SETD1A: variants seen among roughly 807,000 people sequenced by gnomAD.
SETD1A encodes histone-lysine N-methyltransferase SETD1A.
A neutral mutation model predicts 149.9 loss-of-function variants in SETD1A; 29 were observed. The observed-to-expected ratio is 0.19, with a 90% CI of 0.14 to 0.26. The LOEUF is 0.26. Among genes scored for constraint, SETD1A ranks in the 10% least tolerant of loss-of-function variants. The pLI, the probability that SETD1A is intolerant of heterozygous loss-of-function variation, is 1.00. For synonymous variants in SETD1A, 1,141 were observed against 968.5 expected, an observed-to-expected ratio of 1.18 and a Z score of -3.31; for missense variants, 2,109 against 2,353.1, an observed-to-expected ratio of 0.90 and a Z score of 2.15.
At chr16:30,977,222 G>A (rs1423000171) in intron 13 of SETD1A, among the ~76,000 whole-genome samples, 1 of 152,178 alleles carries the variant, frequency 6.6e-6, no homozygotes, top group East Asian at 1.9e-4. Flanking sequence ...GGGATTACAG[G>A]CGTGAGCCCC....
At chr16:30,963,584 A>T in intron 5 of SETD1A, 30 bp downstream of exon 5, 1 of 1,601,220 alleles carries the variant, frequency 6.2e-7, no homozygotes, top group Non-Finnish European at 8.5e-7. Context: ...CACAGCCCCT[A>T]GCCATGTGGG....
At chr16:30,968,477 CACAT>C (rs2056180887) in intron 10 of SETD1A, among the ~76,000 whole-genome samples, 2 of 151,316 alleles carry the variant, frequency 1.3e-5, no homozygotes, top group African/African-American at 2.4e-5. Context: ...TATACACACA[CACAT>C]ATATATATAC....
In SETD1A at chr16:30,983,697, C is replaced by T. The variant is rs372049203; in HGVS notation, c.4875C>T (p.Phe1625=). ...VQEGIGSSYL[F]RVDHDTIIDA... ...AGGGCATTGGCAGCAGCTACCTGTTCCGGGTGGACCACGACACCATCATCG... is the reference window on the plus strand; with the variant it reads ...AGGGCATTGGCAGCAGCTACCTGTTTCGGGTGGACCACGACACCATCATCG... Residue 1625 remains phenylalanine (F), a synonymous_variant, in exon 18 of 19, where the codon TTC becomes TTT. Transcript: ENST00000262519. The surrounding 1 kb of genome is among the most constrained non-coding windows in gnomAD (Gnocchi z 6.8). 3.1e-4 allele frequency: 495 copies of T among 1,614,048 alleles called. No homozygotes were observed. Among genetic ancestry groups the T allele is most frequent in the Non-Finnish European group, 4.0e-4 (469 of 1,179,978 alleles).
In SETD1A at chr16:30,959,174, C is replaced by T. The variant is rs373904015; in HGVS notation, c.234C>T (p.Val78=). The stretch of plus-strand genomic sequence containing the variant: ...AAAACAGAGACTTTTCCCTCCCAGT[C>T]CCTAAGTTTAAGGTAAGTGTCTGCT... ...RSKNRDFSLP[V]PKFKLDEFYI... is the part of the protein sequence containing the mutation. The change falls in exon 3 of 19, where the codon GTC becomes GTT. Residue 78 remains valine (V), a synonymous_variant. Coordinates refer to ENST00000262519, the MANE Select transcript of SETD1A (RefSeq NM_014712.3). The T allele has an allele frequency of 1.4e-5, 23 of 1,610,704 alleles. No individual in the cohort carries two copies. The highest frequency in any genetic ancestry group is 1.8e-5 in the Non-Finnish European group (21 of 1,177,034).
Position 30,966,233 on chromosome 16 carries a change from C to A in SETD1A, c.2352C>A (p.Thr784=), listed in dbSNP as rs763608967. Residue 784 remains threonine, a synonymous_variant, in exon 8 of 19, where the codon ACC becomes ACA. Transcript: ENST00000262519. ...REEAELAEGK[T]LPTAGTVGRV... is the part of the protein sequence containing the mutation. The stretch of plus-strand genomic sequence containing the variant: ...AAGCAGAGCTGGCAGAGGGCAAGAC[C>A]CTCCCGACAGCAGGCACCGTGGGCC... The A allele has an allele frequency of 1.2e-6, 2 of 1,613,714 alleles. No homozygotes were observed. The highest frequency in any genetic ancestry group is 4.5e-5 in the East Asian group (2 of 44,860).
intron 13 of SETD1A, among the ~76,000 whole-genome samples, chr16:30,973,058 CG>C (rs1432426675): frequency 6.6e-6 from 1 of 151,982 alleles, no homozygotes; most frequent in East Asian, 1.9e-4. Flanking sequence ...GGGGAAGCAG[CG>C]GGTTGGAAGA....
chr16:30,963,998 A>G (rs888179487), intron 5 of SETD1A, 96 bp from the exon 6 acceptor site: 6 of 1,046,244 alleles, frequency 5.7e-6, no homozygotes, highest in South Asian at 4.5e-5. Flanking sequence ...TCTCAAAAAA[A>G]AAAAAAGGGA....
Position 30,964,626 on chromosome 16 carries a change from C to A in SETD1A, c.884C>A (p.Ser295Tyr), listed in dbSNP as rs778232927. The A allele has an allele frequency of 1.2e-6, 2 of 1,613,192 alleles. No individual in the cohort carries two copies. Among genetic ancestry groups the A allele is most frequent in the Non-Finnish European group, 1.7e-6 (2 of 1,179,680 alleles). ...TTCTTCTCCAGCACCACTTCAACCTCCTTCAAGCCCCGGCGGTCAGAGAAC... is the reference window on the plus strand; with the variant it reads ...TTCTTCTCCAGCACCACTTCAACCTACTTCAAGCCCCGGCGGTCAGAGAAC... ...SAYSSSTTST[S>Y]FKPRRSENSY... The change falls in exon 7 of 19, where the codon TCC (serine) becomes TAC (tyrosine). Residue 295 changes from serine to tyrosine, a missense_variant. Ser to Tyr is a moderately radical substitution (Grantham distance 144). Around this residue, in one of 8 missense-constraint regions of SETD1A, gnomAD observed 410 missense variants for 394.8 expected, o/e 1.04. Transcript: ENST00000262519.
chr16:30,959,611 C>T (rs2143453286), intron 3 of SETD1A, among the ~76,000 whole-genome samples: 1 of 152,292 alleles, frequency 6.6e-6, no homozygotes. Flanking sequence ...CCTTCGAGGA[C>T]TCCTATTCTC....
rs1567354020 is a variant in SETD1A, at chr16:30,966,169, C to G, written c.2288C>G (p.Ser763Ter). 6.2e-7 allele frequency: 1 copy of G among 1,610,032 alleles called. No individual in the cohort carries two copies. Among genetic ancestry groups the G allele is most frequent in the Non-Finnish European group, 8.5e-7 (1 of 1,177,954 alleles). The change falls in exon 8 of 19, where the codon TCA becomes TGA. Residue 763 changes from serine (S) to a stop codon, truncating the protein, a stop_gained. Coordinates refer to ENST00000262519, the MANE Select transcript of SETD1A (RefSeq NM_014712.3). LOFTEE classifies it high-confidence loss of function. ...PMAAEPLPSSSVSGEEARLPP... is the reference protein window; with the variant it reads ...PMAAEPLPSS ...GCAGCCGAGCCCCTGCCCTCCTCCT[C>G]AGTCTCGGGAGAGGAGGCCCGGCTG...
chr16:30,969,223 T>C (rs1481610684), intron 10 of SETD1A, 82 bp from the exon 11 acceptor site: 2 of 1,348,094 alleles, frequency 1.5e-6, no homozygotes, highest in African/African-American at 2.9e-5. Flanking sequence ...AGATTGGTAA[T>C]AGTATATGTA....
chr16:30,980,251 G>T lies in SETD1A; in HGVS notation c.4408+57G>T. ...TTGGGTCCTCCCCCGACCCCTCCAG[G>T]CACCTGCATCTGTGCCCCACTCTGT... On this transcript the variant is annotated intron_variant, in intron 14 of 18. Transcript: ENST00000262519. This position sits in a 1 kb window ranked among gnomAD's most constrained non-coding sequence, Gnocchi z 7.7. 6.6e-7 allele frequency: 1 copy of T among 1,526,250 alleles called. No individual in the cohort carries two copies. Among genetic ancestry groups the T allele is most frequent in the Non-Finnish European group, 8.8e-7 (1 of 1,136,300 alleles). The allele number at this position is 1,526,250 out of a possible 1,614,324, so 94.5% of individuals were successfully genotyped here.
At position 30,980,387 on chromosome 16, in the gene SETD1A, C is replaced by T. The variant is rs1305351139; in HGVS notation, c.4409-98C>T. On this transcript the variant is annotated intron_variant, in intron 14 of 18. Transcript: ENST00000262519. The surrounding 1 kb of genome is among the most constrained non-coding windows in gnomAD (Gnocchi z 7.7). ...GGGGCTGGGGCTTCCTCCCCTGTCC[C>T]TCACCTGGGTATGCTCAGCGGCGTG... The T allele has an allele frequency of 4.7e-6, 7 of 1,492,590 alleles. No individual in the cohort carries two copies. In the East Asian group the frequency reaches 1.1e-4, roughly 24 times the overall value. The allele number at this position is 1,492,590 out of a possible 1,614,324, so 92.5% of individuals were successfully genotyped here.
In SETD1A at chr16:30,967,071, CTG is replaced by C. The variant is rs1263886299; in HGVS notation, c.2682+13_2682+14del. 6.4e-7 allele frequency: 1 copy of C among 1,550,430 alleles called. No homozygotes were observed. Among genetic ancestry groups the C allele is most frequent in the Non-Finnish European group, 8.7e-7 (1 of 1,147,772 alleles). On this transcript the variant is annotated intron_variant, in intron 9 of 18. Transcript: ENST00000262519. ...CTGCCTTCATTCAAGGTACTCAGAACTGTCGTTTTGTGGGGTAGGGTGGGGAG... is the reference window on the plus strand; with the variant it reads ...CTGCCTTCATTCAAGGTACTCAGAACTCGTTTTGTGGGGTAGGGTGGGGAG...
At position 30,964,261 on chromosome 16, in the gene SETD1A, A is replaced by G; in HGVS notation, c.807A>G (p.Gln269=). The G allele has an allele frequency of 1.9e-6, 3 of 1,613,932 alleles. No homozygotes were observed. The highest frequency in any genetic ancestry group is 2.5e-6 in the Non-Finnish European group (3 of 1,179,930). ...GCCAGTTCACACCTCAGTCCTCCCA[A>G]GGAACCCCCTACACGTCTCGGGGCA... ...SFGQFTPQSS[Q]GTPYTSRGST... The change falls in exon 6 of 19, where the codon CAA becomes CAG. Residue 269 remains glutamine (Q), a synonymous_variant. Transcript: ENST00000262519.
Position 30,984,135 on chromosome 16 carries a change from A to G in SETD1A, c.*112A>G, listed in dbSNP as rs1567367767. 1.9e-6 allele frequency: 2 copies of G among 1,073,230 alleles called. No homozygotes were observed. The highest frequency in any genetic ancestry group is 3.0e-5 in the Admixed American group (1 of 33,596). 66.5% of individuals were successfully genotyped at this position (1,073,230 alleles called of 1,614,324 possible). On this transcript the variant is annotated 3_prime_UTR_variant, in exon 19 of 19. Coordinates refer to ENST00000262519, the MANE Select transcript of SETD1A (RefSeq NM_014712.3). ...CAGGGCCCACATGCCCCCATCTCCA[A>G]GCGTGGGGTTGGGGGCCCCAAGCCC...
Position 30,964,652 on chromosome 16 carries a change from A to G in SETD1A, c.910A>G (p.Ser304Gly). ...TSFKPRRSEN[S>G]YQDAFSRRHF... ...CTTCAAGCCCCGGCGGTCAGAGAAC[A>G]GCTACCAAGATGCCTTTTCCCGCCG... Residue 304 changes from serine to glycine, a missense_variant, in exon 7 of 19, where the codon AGC becomes GGC. This residue lies in a region of SETD1A where 410 missense variants were observed against 394.8 expected (regional missense o/e 1.04). Coordinates refer to ENST00000262519, the MANE Select transcript of SETD1A (RefSeq NM_014712.3). 6.2e-7 allele frequency: 1 copy of G among 1,613,810 alleles called. No individual in the cohort carries two copies. The highest frequency in any genetic ancestry group is 8.5e-7 in the Non-Finnish European group (1 of 1,179,962).
In SETD1A at chr16:30,980,720, C is replaced by T; in HGVS notation, c.4582-19C>T. The T allele has an allele frequency of 1.2e-6, 2 of 1,611,646 alleles. No individual in the cohort carries two copies. Among genetic ancestry groups the T allele is most frequent in the Non-Finnish European group, 1.7e-6 (2 of 1,179,348 alleles). The stretch of plus-strand genomic sequence containing the variant: ...ACTTCCCTGCCCTGCTCACCTCCTC[C>T]CTGCCGTGTGTCTCACAGGGGACGA... On this transcript the variant is annotated intron_variant, in intron 15 of 18. Transcript: ENST00000262519. The surrounding 1 kb of genome is among the most constrained non-coding windows in gnomAD (Gnocchi z 7.7).
rs1312358135 is a variant in SETD1A at position 30,979,737 on chromosome 16, C to T, written c.3951C>T (p.Pro1317=). The change falls in exon 14 of 19, where the codon CCC becomes CCT. Residue 1317 remains proline, a synonymous_variant. Coordinates refer to ENST00000262519, the MANE Select transcript of SETD1A (RefSeq NM_014712.3). ...CGCCCCCTGCGCCAGCCCTGCGGCC[C>T]CCGGAGCCAGTGCCCGCACCCGCCG... is the stretch of plus-strand genomic sequence containing the variant. ...KPTPPAPALR[P]PEPVPAPAAL... The T allele has an allele frequency of 6.3e-7, 1 of 1,599,374 alleles. No homozygotes were observed. The highest frequency in any genetic ancestry group is 8.5e-7 in the Non-Finnish European group (1 of 1,178,510).
Sources: allele counts gnomAD v4.1 joint callset (sites outside exome capture counted in the v4.1 genomes callset), GRCh38; gene constraint gnomAD v4.1.1; regional missense constraint gnomAD v4.1.1; non-coding constraint Gnocchi (gnomAD v3.1); transcripts MANE v1.5; gene names NCBI Gene and HGNC (gene_info 2026-07-23, HGNC 2026-07-21).